XIRP2: variants seen among roughly 807,000 people sequenced by gnomAD.
The protein encoded by XIRP2 is xin actin-binding repeat-containing protein 2.
XIRP2 carries 236 observed loss-of-function variants against 277.0 expected under a neutral mutation model. The ratio of observed to expected loss-of-function variants is 0.85; its 90% CI spans 0.77 to 0.95. The LOEUF (loss-of-function observed/expected upper bound fraction) is 0.95, where lower values mean the gene tolerates loss of function less well. Among genes scored for constraint, XIRP2 ranks in the 40% least tolerant of loss-of-function variants. XIRP2 has a pLI of 0.00. For synonymous variants in XIRP2, 1,490 were observed against 1,416.5 expected (o/e 1.05, Z -1.17); for missense variants, 4,640 against 4,157.5 (o/e 1.12, Z -3.19).
At chr2:167,071,170 A>G (rs1170159664) in intron 2 of XIRP2, among the ~76,000 whole-genome samples, 2 of 152,196 alleles carry the variant, frequency 1.3e-5, no homozygotes, top group African/African-American at 4.8e-5. Flanking sequence ...TTCCTAGGGT[A>G]GGAGTCAGAG....
chr2:166,928,084 TTCCG>T (rs1160401878), intron 2 of XIRP2, among the ~76,000 whole-genome samples: 1 of 152,074 alleles, frequency 6.6e-6, no homozygotes, highest in Non-Finnish European at 1.5e-5. Flanking sequence ...GCTCAAAGAG[TTCCG>T]TCATTTTACA....
chr2:167,148,638 A>G (rs550777710), intron 3 of XIRP2, among the ~76,000 whole-genome samples: 1 of 152,234 alleles, frequency 6.6e-6, no homozygotes, highest in East Asian at 1.9e-4. Context: ...TCTTCAGTGG[A>G]AAGACAAGAT....
At chr2:167,089,409 A>T (rs1427664345) in intron 2 of XIRP2, among the ~76,000 whole-genome samples, 2 of 152,174 alleles carry the variant, frequency 1.3e-5, no homozygotes, top group Admixed American at 1.3e-4. Context: ...CAACTGATAC[A>T]ATCATATAAG....
chr2:166,939,038 T>G (rs192975624), intron 2 of XIRP2, among the ~76,000 whole-genome samples: 2 of 152,356 alleles, frequency 1.3e-5, no homozygotes, highest in East Asian at 3.9e-4. Flanking sequence ...ATCTTGACTC[T>G]TTATCCAATT....
rs142004330 is a variant in XIRP2 at position 166,997,605 on chromosome 2, G to A, written c.408+93715G>A. 3.3e-4 allele frequency among the ~76,000 whole-genome samples: 50 copies of A among 152,186 alleles called. No homozygotes were observed. In the East Asian group the frequency reaches 8.7e-3, roughly 27 times the overall value. On this transcript the variant is annotated intron_variant, in intron 2 of 10. Coordinates refer to ENST00000409195, the MANE Select transcript of XIRP2 (RefSeq NM_152381.6). ...CTTTTCATAAAATGAATTTTGCTAAGAAGTTCAGTTGACTTGGGGGGCCTG... is the reference window on the plus strand; with the variant it reads ...CTTTTCATAAAATGAATTTTGCTAAAAAGTTCAGTTGACTTGGGGGGCCTG...
At chr2:167,104,942 T>C (rs1690576849) in intron 2 of XIRP2, among the ~76,000 whole-genome samples, 1 of 152,008 alleles carries the variant, frequency 6.6e-6, no homozygotes, top group Non-Finnish European at 1.5e-5. Flanking sequence ...TCATCCAATA[T>C]AAACGTTTAC....
At chr2:167,006,209 A>G (rs541480533) in intron 2 of XIRP2, among the ~76,000 whole-genome samples, 1 of 151,834 alleles carries the variant, frequency 6.6e-6, no homozygotes, top group South Asian at 2.1e-4. Flanking sequence ...GCTTTGGGTA[A>G]GATACTTGGA....
At chr2:167,136,454 AAAAT>A (rs1348355649) in intron 3 of XIRP2, among the ~76,000 whole-genome samples, 7 of 152,204 alleles carry the variant, frequency 4.6e-5, no homozygotes, top group African/African-American at 7.2e-5. Flanking sequence ...GCAAAATAAA[AAAAT>A]AAATAAGATG....
chr2:167,146,825 A>C (rs1691877031), intron 3 of XIRP2, among the ~76,000 whole-genome samples: 1 of 152,124 alleles, frequency 6.6e-6, no homozygotes, highest in Non-Finnish European at 1.5e-5. Flanking sequence ...AAAGATAGTG[A>C]AAGTACGTAA....
chr2:167,159,372 ATT>A (rs1692295776), intron 3 of XIRP2, among the ~76,000 whole-genome samples: 1 of 152,208 alleles, frequency 6.6e-6, no homozygotes, highest in Admixed American at 6.5e-5. Flanking sequence ...TAGAATGATA[ATT>A]GCTACGTTGG....
chr2:166,938,466 A>G (rs954833921), intron 2 of XIRP2, among the ~76,000 whole-genome samples: 6 of 152,010 alleles, frequency 3.9e-5, no homozygotes, highest in African/African-American at 1.2e-4. Flanking sequence ...GAGACAGTTG[A>G]TTATAATTTC....
chr2:166,942,427 G>A (rs1408187918), intron 2 of XIRP2, among the ~76,000 whole-genome samples: 1 of 152,158 alleles, frequency 6.6e-6, no homozygotes, highest in Admixed American at 6.5e-5. Flanking sequence ...ATTGCCTAAT[G>A]TTATTTGTTC....
At chr2:166,999,563 T>C (rs1266921036) in intron 2 of XIRP2, among the ~76,000 whole-genome samples, 1 of 152,116 alleles carries the variant, frequency 6.6e-6, no homozygotes, top group East Asian at 1.9e-4. Context: ...TGTTGAATGG[T>C]CAAGTCAGTA....
At chr2:167,233,531 A>G (rs546308827) in intron 5 of XIRP2, among the ~76,000 whole-genome samples, 1 of 151,972 alleles carries the variant, frequency 6.6e-6, no homozygotes, top group South Asian at 2.1e-4. Context: ...TAAAGAGGGC[A>G]CAGACTCAAG....
chr2:167,135,888 C>A, intron 2 of XIRP2, 21 bp from the exon 3 acceptor site: 1 of 1,566,764 alleles, frequency 6.4e-7, no homozygotes, highest in Non-Finnish European at 8.6e-7. Context: ...TAACATACAA[C>A]CCTTTAATGT....
Position 167,249,100 on chromosome 2 carries a change from A to T in XIRP2, c.7708A>T (p.Ile2570Phe). ...KQKQESSYYN[I>F]VKTQSQNQHI... ...GAAACAGGAGAGTTCTTACTACAAC[A>T]TTGTTAAAACTCAAAGCCAAAATCA... The change falls in exon 9 of 11, where the codon ATT (isoleucine) becomes TTT (phenylalanine). Residue 2570 changes from isoleucine to phenylalanine, a missense_variant. By Grantham distance (21) the Ile-to-Phe change is conservative. Coordinates refer to ENST00000409195, the MANE Select transcript of XIRP2 (RefSeq NM_152381.6). 1.9e-6 allele frequency: 3 copies of T among 1,613,806 alleles called. No individual in the cohort carries two copies. Among genetic ancestry groups the T allele is most frequent in the Non-Finnish European group, 2.5e-6 (3 of 1,179,798 alleles).
intron 2 of XIRP2, among the ~76,000 whole-genome samples, chr2:166,986,337 G>C (rs1687003873): frequency 6.6e-6 from 1 of 152,188 alleles, no homozygotes; most frequent in Admixed American, 6.5e-5. Context: ...CTATGTAACT[G>C]ATGTAATGTA....
intron 2 of XIRP2, among the ~76,000 whole-genome samples, chr2:167,052,761 T>A (rs1004884675): frequency 3.3e-5 from 5 of 152,144 alleles, no homozygotes; most frequent in South Asian, 2.1e-4. Flanking sequence ...AACACTAAGA[T>A]CATTGTTTTT....
intron 2 of XIRP2, among the ~76,000 whole-genome samples, chr2:167,105,678 A>G (rs1046106868): frequency 2.0e-5 from 3 of 151,870 alleles, no homozygotes; most frequent in African/African-American, 7.2e-5. Context: ...GAATGTCCAA[A>G]AGTGCAGTTA....
Sources: allele counts gnomAD v4.1 joint callset (sites outside exome capture counted in the v4.1 genomes callset), GRCh38; gene constraint gnomAD v4.1.1; transcripts MANE v1.5; gene names NCBI Gene and HGNC (gene_info 2026-07-23, HGNC 2026-07-21).